The following ITGB1BP1 variants were observed in gnomAD, a reference collection of about 807,000 sequenced individuals.
The protein encoded by ITGB1BP1 is integrin beta-1-binding protein 1.
Under a neutral mutation model 28.0 loss-of-function variants are expected in ITGB1BP1, and 20 were observed. The ratio of observed to expected loss-of-function variants is 0.71; its 90% CI spans 0.50 to 1.04. The LOEUF (loss-of-function observed/expected upper bound fraction) is 1.04, where lower values mean the gene tolerates loss of function less well. Among genes scored for constraint, ITGB1BP1 ranks in the 50% least tolerant of loss-of-function variants. ITGB1BP1 has a pLI of 0.00. For synonymous variants in ITGB1BP1, 103 were observed against 89.5 expected, an observed-to-expected ratio of 1.15 and a Z score of -0.85; for missense variants, 228 against 242.5, an observed-to-expected ratio of 0.94 and a Z score of 0.40.
chr2:9,404,738 T>C lies in ITGB1BP1; in HGVS notation c.*2096A>G, dbSNP rs1178482728. ...CTTTATTATGCAAGACTGTGTAGAG[T>C]TTTTTTTTTTTTTGGCATTGTACTT... On this transcript the variant is annotated 3_prime_UTR_variant, in exon 7 of 7. Coordinates refer to ENST00000355346, the MANE Select transcript of ITGB1BP1 (RefSeq NM_004763.5). 1.1e-5 allele frequency: 1 copy of C among 91,730 alleles called. No homozygotes were observed. The highest frequency in any genetic ancestry group is 2.2e-4 in the East Asian group (1 of 4,540). 5.7% of individuals were successfully genotyped at this position (91,730 alleles called of 1,614,324 possible). A position where few individuals can be genotyped will look rare whatever the true frequency, so the allele number is the denominator to read the frequency against.
At chr2:9,422,187 C>T (rs1572749089) in intron 1 of ITGB1BP1, among the ~76,000 whole-genome samples, 1 of 152,310 alleles carries the variant, frequency 6.6e-6, no homozygotes, top group South Asian at 2.1e-4. Context: ...GCAGCCAAAA[C>T]GATTAAAATG....
Position 9,414,197 on chromosome 2 carries a change from T to TGTGTC in ITGB1BP1, c.127_131dup (p.Asp45ThrfsTer23). On this transcript the variant is annotated frameshift_variant, in exon 3 of 7. Transcript: ENST00000355346. LOFTEE classifies it high-confidence loss of function. ...ATGTACCTGAGCTTTTGGTGGAATC[T>TGTGTC]GTGTCGAGGCTGGCCACAGTGCTGG... 1.2e-6 allele frequency: 2 copies of TGTGTC among 1,613,974 alleles called. No individual in the cohort carries two copies.
In ITGB1BP1 at chr2:9,414,858, TGC is replaced by T. The variant is rs1252569704; in HGVS notation, c.73-604_73-603del. ...GGACAGAGCAGACTATCATGTGAAC[TGC>T]CACCAAAAAAACAACAAAACTGTTG... On this transcript the variant is annotated intron_variant, in intron 2 of 6. Transcript: ENST00000355346. Among the ~76,000 whole-genome samples the T allele has an allele frequency of 6.6e-5, 10 of 152,302 alleles. No homozygotes were observed. The East Asian group carries it at 1.7e-3, about 26-fold the overall frequency.
At chr2:9,416,924 C>T (rs971910978) in intron 2 of ITGB1BP1, among the ~76,000 whole-genome samples, 4 of 152,140 alleles carry the variant, frequency 2.6e-5, no homozygotes, top group African/African-American at 9.7e-5. Context: ...TTTCCTCATA[C>T]TCCACAAGCC....
intron 6 of ITGB1BP1, chr2:9,407,151 G>A: frequency 3.3e-6 from 2 of 598,888 alleles, no homozygotes; most frequent in South Asian, 4.2e-5. Context: ...GTCTAGGAGG[G>A]CAACAACGTT....
rs1677653815 is a variant in ITGB1BP1 at position 9,407,461 on chromosome 2, C to CTGA, written c.516_518dup (p.Tyr172_Gln173insHis). The CTGA allele has an allele frequency of 6.2e-7, 1 of 1,614,082 alleles. No individual in the cohort carries two copies. The highest frequency in any genetic ancestry group is 1.3e-5 in the African/African-American group (1 of 74,934). On this transcript the variant is annotated inframe_insertion, in exon 6 of 7. Transcript: ENST00000355346. ...AACGAAGTCTCACCAGGCTGTTGCA[C>CTGA]TGATAAACCCACAGGCTGTATTCCT...
Position 9,407,484 on chromosome 2 carries a change from C to T in ITGB1BP1, c.496G>A (p.Glu166Lys). 2 of 1,614,198 alleles carry T rather than the reference C, an allele frequency of 1.2e-6. No homozygotes were observed. The highest frequency in any genetic ancestry group is 1.7e-6 in the Non-Finnish European group (2 of 1,180,032). ...ALKTTDASNE[E>K]YSLWVYQCNS... ...CACTGATAAACCCACAGGCTGTATT[C>T]CTCATTGCTTGCATCTGTGGTCTTC... The change falls in exon 6 of 7, where the codon GAA becomes AAA. Residue 166 changes from glutamate (E) to lysine (K), a missense_variant. By Grantham distance (56) the Glu-to-Lys change is moderately conservative. This residue lies in a region of ITGB1BP1 where 192 missense variants were observed against 181.6 expected (regional missense o/e 1.06). Coordinates refer to ENST00000355346, the MANE Select transcript of ITGB1BP1 (RefSeq NM_004763.5).
Position 9,414,920 on chromosome 2 carries a change from C to T in ITGB1BP1, c.73-664G>A, listed in dbSNP as rs1157513060. On this transcript the variant is annotated intron_variant, in intron 2 of 6. Coordinates refer to ENST00000355346, the MANE Select transcript of ITGB1BP1 (RefSeq NM_004763.5). ...GAATCACATGTAAAGGGAGTTGTTC[C>T]TCAGAGCTACACTCCCAATTTCTTT... 2.0e-5 allele frequency among the ~76,000 whole-genome samples: 3 copies of T among 152,212 alleles called. No individual in the cohort carries two copies. In the East Asian group the frequency reaches 5.8e-4, roughly 29 times the overall value.
intron 5 of ITGB1BP1, chr2:9,407,906 C>A: frequency 1.8e-6 from 1 of 543,900 alleles, no homozygotes; most frequent in Admixed American, 3.3e-5. Flanking sequence ...GTGGGGGGGG[C>A]AGGTTGCATG....
In ITGB1BP1 at chr2:9,406,117, GTCTTCCTCA is replaced by G; in HGVS notation, c.*708_*716del. 4 of 55,782 alleles carry G rather than the reference GTCTTCCTCA, an allele frequency of 7.2e-5. No homozygotes were observed. Among genetic ancestry groups the G allele is most frequent in the Admixed American group, 1.9e-4 (1 of 5,174 alleles). 3.5% of individuals were successfully genotyped at this position (55,782 alleles called of 1,614,324 possible). Reference sequence around the variant, plus strand: ...ACTGAGTGGACCTCTGTGACATCTCGTCTTCCTCAGGCCTTCAGTGTGTGTTTGTCACTG... The same window carrying G: ...ACTGAGTGGACCTCTGTGACATCTCGGGCCTTCAGTGTGTGTTTGTCACTG... On this transcript the variant is annotated 3_prime_UTR_variant, in exon 7 of 7. Coordinates refer to ENST00000355346, the MANE Select transcript of ITGB1BP1 (RefSeq NM_004763.5).
At chr2:9,422,199 T>A (rs1679969753) in intron 1 of ITGB1BP1, among the ~76,000 whole-genome samples, 1 of 152,198 alleles carries the variant, frequency 6.6e-6, no homozygotes, top group Non-Finnish European at 1.5e-5. Flanking sequence ...ATTAAAATGA[T>A]TTCTTTCAAA....
intron 1 of ITGB1BP1, chr2:9,420,149 T>TCCTG: frequency 1.9e-6 from 1 of 530,558 alleles, no homozygotes; most frequent in Non-Finnish European, 2.4e-6. Context: ...CAGTGAAAGC[T>TCCTG]CCTGCTGCAA....
In ITGB1BP1 at chr2:9,407,469, C is replaced by G. The variant is rs374769191; in HGVS notation, c.511G>C (p.Val171Leu). The change falls in exon 6 of 7, where the codon GTT becomes CTT. Residue 171 changes from valine (V) to leucine (L), a missense_variant. Transcript: ENST00000355346. Reference protein sequence around the residue: ...DASNEEYSLWVYQCNSLEQAQ... With the variant: ...DASNEEYSLWLYQCNSLEQAQ... ...CTCACCAGGCTGTTGCACTGATAAA[C>G]CCACAGGCTGTATTCCTCATTGCTT... 5 of 1,614,194 alleles carry G rather than the reference C, an allele frequency of 3.1e-6. No individual in the cohort carries two copies. Among genetic ancestry groups the G allele is most frequent in the Non-Finnish European group, 4.2e-6 (5 of 1,180,034 alleles).
Position 9,412,256 on chromosome 2 carries a change from T to TA in ITGB1BP1, c.288+12_288+13insT. On this transcript the variant is annotated intron_variant, in intron 4 of 6. Coordinates refer to ENST00000355346, the MANE Select transcript of ITGB1BP1 (RefSeq NM_004763.5). ...TCTCATAACCAGAGAGTTACGGAAT[T>TA]TTTTTTTTTTACCTGGGCAACGTCT... 6.5e-7 allele frequency: 1 copy of TA among 1,549,852 alleles called. No homozygotes were observed. The highest frequency in any genetic ancestry group is 8.8e-7 in the Non-Finnish European group (1 of 1,138,498).
At chr2:9,416,025 C>T (rs1679088439) in intron 2 of ITGB1BP1, among the ~76,000 whole-genome samples, 1 of 152,196 alleles carries the variant, frequency 6.6e-6, no homozygotes, top group Non-Finnish European at 1.5e-5. Context: ...GGTCCTGGGA[C>T]TGAGTGAACA....
At chr2:9,411,320 G>A (rs1678345821) in intron 4 of ITGB1BP1, among the ~76,000 whole-genome samples, 1 of 152,160 alleles carries the variant, frequency 6.6e-6, no homozygotes, top group African/African-American at 2.4e-5. Flanking sequence ...CTGGTCTGAT[G>A]GTGGTACGGT....
intron 1 of ITGB1BP1, among the ~76,000 whole-genome samples, chr2:9,421,519 C>G (rs1193170793): frequency 5.3e-5 from 8 of 152,010 alleles, no homozygotes; most frequent in Non-Finnish European, 1.0e-4. Flanking sequence ...AACCCCGTCT[C>G]TACTAAAAAT....
At position 9,405,402 on chromosome 2, in the gene ITGB1BP1, T is replaced by C. The variant is rs932583806; in HGVS notation, c.*1432A>G. 1.3e-5 allele frequency: 2 copies of C among 152,648 alleles called. No homozygotes were observed. Among genetic ancestry groups the C allele is most frequent in the Non-Finnish European group, 2.9e-5 (2 of 68,038 alleles). 9.5% of individuals were successfully genotyped at this position (152,648 alleles called of 1,614,324 possible). The stretch of plus-strand genomic sequence containing the variant: ...CCATTCTCCATCAGATCTGGGATGA[T>C]GGCTCAGAACATGTACACAGACTAA... On this transcript the variant is annotated 3_prime_UTR_variant, in exon 7 of 7. Transcript: ENST00000355346.
rs1366388528 is a variant in ITGB1BP1 at position 9,412,304 on chromosome 2, G to A, written c.253C>T (p.Pro85Ser). Residue 85 changes from proline (P) to serine (S), a missense_variant, in exon 4 of 7, where the codon CCA becomes TCA. Physicochemically the swap from Pro to Ser is moderately conservative, Grantham distance 74. This residue lies in a region of ITGB1BP1 where 192 missense variants were observed against 181.6 expected (regional missense o/e 1.06). Transcript: ENST00000355346. ...KLSEGKGLEGPLDLINYIDVA... is the reference protein window; with the variant it reads ...KLSEGKGLEGSLDLINYIDVA... ...TCTATATAATTTATCAGGTCTAATGGCCCTTCAAGGCCTTTTCCCTCGGAG... is the reference window on the plus strand; with the variant it reads ...TCTATATAATTTATCAGGTCTAATGACCCTTCAAGGCCTTTTCCCTCGGAG... The A allele has an allele frequency of 6.2e-7, 1 of 1,611,588 alleles. No homozygotes were observed. The highest frequency in any genetic ancestry group is 1.1e-5 in the South Asian group (1 of 90,924).
Sources: gnomAD v4.1 joint callset for allele counts (sites outside exome capture counted in the v4.1 genomes callset) on GRCh38, gnomAD v4.1.1 for gene constraint, gnomAD v4.1.1 regional missense constraint, MANE v1.5 for transcripts, NCBI Gene and HGNC (gene_info 2026-07-23, HGNC 2026-07-21) for gene names.